The following MCTP2 variants were observed in gnomAD, a reference collection of about 807,000 sequenced individuals.
The protein encoded by MCTP2 is multiple C2 and transmembrane domain containing 2, also known as multiple C2 and transmembrane domain-containing protein 2.
A neutral mutation model predicts 111.6 loss-of-function variants in MCTP2; 132 were observed. The ratio of observed to expected loss-of-function variants is 1.18; its 90% CI spans 1.03 to 1.37. MCTP2 has a LOEUF of 1.37. Ranked by LOEUF, MCTP2 falls within the 40% of genes most tolerant of loss-of-function variation. The pLI, the probability that MCTP2 is intolerant of heterozygous loss-of-function variation, is 0.00. For synonymous variants in MCTP2, 395 were observed against 387.7 expected (o/e 1.02, Z -0.22); for missense variants, 1,183 against 1,067.9 (o/e 1.11, Z -1.50).
intron 1 of MCTP2, among the ~76,000 whole-genome samples, chr15:94,264,854 A>T (rs188187496): frequency 2.6e-5 from 4 of 152,212 alleles, no homozygotes; most frequent in African/African-American, 9.6e-5. Context: ...CTGAGGTAAT[A>T]TTAGAACAAA....
At chr15:94,318,511 G>A (rs112588360) in intron 4 of MCTP2, among the ~76,000 whole-genome samples, 12 of 152,204 alleles carry the variant, frequency 7.9e-5, no homozygotes, top group African/African-American at 2.9e-4. Flanking sequence ...CTGACCTTGT[G>A]ATCTGCCCAC....
Position 94,483,751 on chromosome 15 carries a change from A to G in MCTP2, c.*4717A>G, listed in dbSNP as rs2074841699. The G allele has an allele frequency of 6.6e-6, 1 of 152,096 alleles. No individual in the cohort carries two copies. Among genetic ancestry groups the G allele is most frequent in the Non-Finnish European group, 1.5e-5 (1 of 68,008 alleles). 9.4% of individuals were successfully genotyped at this position (152,096 alleles called of 1,614,324 possible). A position where few individuals can be genotyped will look rare whatever the true frequency, so the allele number is the denominator to read the frequency against. ...AAGAGGATCAGGAAAAATAATGAGT[A>G]CCAGGCTTAATACATGGGCGATGAA... On this transcript the variant is annotated 3_prime_UTR_variant, in exon 23 of 23. Coordinates refer to ENST00000357742, the MANE Select transcript of MCTP2 (RefSeq NM_001385001.1).
intron 21 of MCTP2, 83 bp from the exon 22 acceptor site, chr15:94,476,605 CAGATAGAT>C (rs10574224): frequency 0.13 from 80,967 of 633,270 alleles, 5,814 homozygotes; most frequent in East Asian, 0.28. Context: ...GATTGACTGA[CAGATAGAT>C]AGATAGATAG....
At chr15:94,478,478 G>A (rs1596881193) in intron 22 of MCTP2, among the ~76,000 whole-genome samples, 5 of 152,240 alleles carry the variant, frequency 3.3e-5, no homozygotes, top group Admixed American at 2.6e-4. Context: ...TAATTTCCAC[G>A]AGAAATCTAT....
intron 9 of MCTP2, 140 bp from the exon 10 acceptor site, chr15:94,358,342 T>G: frequency 4.2e-6 from 3 of 715,306 alleles, no homozygotes; most frequent in Non-Finnish European, 6.5e-6. Flanking sequence ...CCTTTCATTC[T>G]AAAAAAAGAA....
At chr15:94,232,938 T>C (rs913777315) in intron 1 of MCTP2, among the ~76,000 whole-genome samples, 1 of 152,214 alleles carries the variant, frequency 6.6e-6, no homozygotes, top group Non-Finnish European at 1.5e-5. Flanking sequence ...ACAAAGTAGA[T>C]ACTATTCCCC....
intron 10 of MCTP2, among the ~76,000 whole-genome samples, chr15:94,361,528 A>G (rs1259552034): frequency 2.0e-5 from 3 of 152,206 alleles, no homozygotes; most frequent in South Asian, 2.1e-4. Flanking sequence ...GCTAACAGTA[A>G]CAACATCTAC....
At chr15:94,466,728 T>C (rs930766216) in intron 20 of MCTP2, among the ~76,000 whole-genome samples, 5 of 152,146 alleles carry the variant, frequency 3.3e-5, no homozygotes, top group African/African-American at 1.2e-4. Context: ...AAATTGACAT[T>C]GGAGCTTAGT....
At chr15:94,239,482 CTTG>C (rs1171915981) in intron 1 of MCTP2, among the ~76,000 whole-genome samples, 1 of 152,152 alleles carries the variant, frequency 6.6e-6, no homozygotes, top group Admixed American at 6.5e-5. Flanking sequence ...TTGAAGACTT[CTTG>C]TTTGTTGTTG....
At position 94,298,337 on chromosome 15, in the gene MCTP2, C is replaced by T. The variant is rs2075370979; in HGVS notation, c.72C>T (p.Ser24=). The T allele has an allele frequency of 6.2e-7, 1 of 1,613,950 alleles. No homozygotes were observed. The highest frequency in any genetic ancestry group is 1.3e-5 in the African/African-American group (1 of 74,880). ...QRTRPLLINL[S]KKKVKKNPSK... ...CCAGGCCATTGTTGATCAACTTGAGCAAGAAGAAGGTGAAAAAGAACCCAA... is the reference window on the plus strand; with the variant it reads ...CCAGGCCATTGTTGATCAACTTGAGTAAGAAGAAGGTGAAAAAGAACCCAA... Residue 24 remains serine (S), a synonymous_variant, in exon 2 of 23, where the codon AGC becomes AGT. Transcript: ENST00000357742.
At chr15:94,453,213 A>T (rs2152522059) in intron 19 of MCTP2, among the ~76,000 whole-genome samples, 1 of 152,328 alleles carries the variant, frequency 6.6e-6, no homozygotes, top group Non-Finnish European at 1.5e-5. Context: ...GTAGCCCATG[A>T]GATGCATGCA....
At chr15:94,315,096 T>G (rs1309217002) in intron 3 of MCTP2, among the ~76,000 whole-genome samples, 1 of 151,934 alleles carries the variant, frequency 6.6e-6, no homozygotes, top group Admixed American at 6.6e-5. Flanking sequence ...GTGGGAAGGG[T>G]GGAGAACAGG....
intron 1 of MCTP2, among the ~76,000 whole-genome samples, chr15:94,252,731 C>T (rs1447376195): frequency 1.3e-5 from 2 of 151,658 alleles, no homozygotes; most frequent in African/African-American, 4.9e-5. Context: ...ATAAGTGTAA[C>T]TTAGATTCTC....
intron 10 of MCTP2, among the ~76,000 whole-genome samples, chr15:94,360,560 G>A (rs1292898888): frequency 6.6e-6 from 1 of 152,156 alleles, no homozygotes; most frequent in African/African-American, 2.4e-5. Flanking sequence ...GTGGGAACAG[G>A]GGCCTCCTGT....
intron 4 of MCTP2, among the ~76,000 whole-genome samples, chr15:94,325,824 T>TTTTTTTTTTTTTTTTG (rs1303799394): frequency 7.0e-6 from 1 of 142,484 alleles, no homozygotes; most frequent in Non-Finnish European, 1.5e-5. Flanking sequence ...TTTTTTTTTT[T>TTTTTTTTTTTTTTTTG]TTTTTTTTTT....
intron 17 of MCTP2, among the ~76,000 whole-genome samples, chr15:94,416,365 A>G (rs1430635711): frequency 6.6e-6 from 1 of 151,938 alleles, no homozygotes. Flanking sequence ...TGTATTCATT[A>G]TATGTGTGTC....
At chr15:94,283,356 T>G (rs1194370635) in intron 1 of MCTP2, among the ~76,000 whole-genome samples, 1 of 152,154 alleles carries the variant, frequency 6.6e-6, no homozygotes, top group East Asian at 1.9e-4. Flanking sequence ...ATGCCAAGCC[T>G]TGGGGGGTGG....
intron 10 of MCTP2, among the ~76,000 whole-genome samples, chr15:94,359,275 C>A (rs557175245): frequency 1.2e-4 from 19 of 152,308 alleles, no homozygotes; most frequent in African/African-American, 4.6e-4. Context: ...TTACTGGTAT[C>A]ATGCTCATTC....
intron 14 of MCTP2, among the ~76,000 whole-genome samples, chr15:94,389,626 G>A (rs3784650): frequency 0.45 from 68,216 of 151,738 alleles, 16,083 homozygotes; most frequent in East Asian, 0.72. Context: ...GTTTTTTAAC[G>A]TGAGCAAGAA....
Sources: allele counts gnomAD v4.1 joint callset (sites outside exome capture counted in the v4.1 genomes callset), GRCh38; gene constraint gnomAD v4.1.1; transcripts MANE v1.5; gene names NCBI Gene and HGNC (gene_info 2026-07-23, HGNC 2026-07-21).